Variants in WNT9A observed in about 807,000 individuals in gnomAD.
WNT9A encodes the protein Wnt family member 9A.
WNT9A carries 8 observed loss-of-function variants against 31.4 expected under a neutral mutation model. The ratio of observed to expected loss-of-function variants is 0.26; its 90% confidence interval spans 0.15 to 0.46. WNT9A has a LOEUF of 0.46. WNT9A is among the 20% of genes least tolerant of loss of function. WNT9A has a pLI of 0.99. For synonymous variants in WNT9A, 236 were observed against 220.1 expected, an observed-to-expected ratio of 1.07 and a Z score of -0.64; for missense variants, 457 against 522.9, an observed-to-expected ratio of 0.87 and a Z score of 1.23.
intron 1 of WNT9A, among the ~76,000 whole-genome samples, chr1:227,929,066 T>C (rs1666466466): frequency 6.6e-6 from 1 of 152,050 alleles, no homozygotes; most frequent in Admixed American, 6.6e-5. Context: ...AGGAACCGAC[T>C]GAAGACAGAC....
In WNT9A at chr1:227,921,888, A is replaced by T. The variant is rs1410965332; in HGVS notation, c.728T>A (p.Leu243Gln). The change falls in exon 4 of 4, where the codon CTG becomes CAG. Residue 243 changes from leucine to glutamine, a missense_variant. Leu to Gln is a moderately radical substitution (Grantham distance 113, BLOSUM62 -2). Coordinates refer to ENST00000272164, the MANE Select transcript of WNT9A (RefSeq NM_003395.4). ...LAPFHEVGKHLKHKYETALKV... is the reference protein window; with the variant it reads ...LAPFHEVGKHQKHKYETALKV... ...GAGTGCCGTCTCATACTTGTGCTTC[A>T]GATGCTTGCCCACCTCATGGAAAGG... 6.2e-7 allele frequency: 1 copy of T among 1,613,096 alleles called. No homozygotes were observed. The highest frequency in any genetic ancestry group is 8.5e-7 in the Non-Finnish European group (1 of 1,179,946).
Position 227,926,741 on chromosome 1 carries a change from A to G in WNT9A, c.96-1222T>C, listed in dbSNP as rs1301917646. 6.6e-6 allele frequency among the ~76,000 whole-genome samples: 1 copy of G among 151,912 alleles called. No homozygotes were observed. The highest frequency in any genetic ancestry group is 1.5e-5 in the Non-Finnish European group (1 of 67,976). On this transcript the variant is annotated intron_variant, in intron 1 of 3. Coordinates refer to ENST00000272164, the MANE Select transcript of WNT9A (RefSeq NM_003395.4). This position sits in a 1 kb window ranked among gnomAD's most constrained non-coding sequence, Gnocchi z 5.0. The stretch of plus-strand genomic sequence containing the variant: ...ACCCCCAGCAGAGAACGGCAGACTC[A>G]GGATGTGCTGGGAGCCACCGGGGTG...
In WNT9A at chr1:227,919,242, G is replaced by A. The variant is rs1036747980; in HGVS notation, c.*2276C>T. On this transcript the variant is annotated 3_prime_UTR_variant, in exon 4 of 4. Coordinates refer to ENST00000272164, the MANE Select transcript of WNT9A (RefSeq NM_003395.4). ...GGTGTGGCCAGCTATGCTGCTCAGG[G>A]ACCAGTGGATGCGGACACTGCAGAG... The A allele has an allele frequency of 4.6e-5, 7 of 152,170 alleles. No homozygotes were observed. The highest frequency in any genetic ancestry group is 1.9e-4 in the East Asian group (1 of 5,168). The allele number at this position is 152,170 out of a possible 1,614,324, so 9.4% of individuals were successfully genotyped here.
In WNT9A at chr1:227,925,167, A is replaced by C; in HGVS notation, c.352+96T>G. ...TGGGCAGGCTGGGCCCGGCGTCCCC[A>C]GGAGCGCAGCCTAAGAGGGGCCTCT... is the stretch of plus-strand genomic sequence containing the variant. On this transcript the variant is annotated intron_variant, in intron 2 of 3. Coordinates refer to ENST00000272164, the MANE Select transcript of WNT9A (RefSeq NM_003395.4). This position sits in a 1 kb window ranked among gnomAD's most constrained non-coding sequence, Gnocchi z 6.0. 1 of 1,418,540 alleles carries C rather than the reference A, an allele frequency of 7.0e-7. No homozygotes were observed. The highest frequency in any genetic ancestry group is 9.2e-7 in the Non-Finnish European group (1 of 1,087,620). 87.9% of individuals were successfully genotyped at this position (1,418,540 alleles called of 1,614,324 possible).
At chr1:227,940,678 T>C (rs1046190292) in intron 1 of WNT9A, among the ~76,000 whole-genome samples, 1 of 152,250 alleles carries the variant, frequency 6.6e-6, no homozygotes, top group Non-Finnish European at 1.5e-5. Context: ...CTGGCTGCAC[T>C]GACCTCAGGT....
Position 227,919,754 on chromosome 1 carries a change from C to G in WNT9A, c.*1764G>C, listed in dbSNP as rs935674264. The G allele has an allele frequency of 6.6e-6, 1 of 151,580 alleles. No homozygotes were observed. Among genetic ancestry groups the G allele is most frequent in the African/African-American group, 2.5e-5 (1 of 40,744 alleles). The allele number at this position is 151,580 out of a possible 1,614,324, so 9.4% of individuals were successfully genotyped here. ...TGCCAGCATGCATTTATACAACACA[C>G]GCTTACACACATTGACCACGCCAGC... On this transcript the variant is annotated 3_prime_UTR_variant, in exon 4 of 4. Coordinates refer to ENST00000272164, the MANE Select transcript of WNT9A (RefSeq NM_003395.4).
chr1:227,924,067 C>CGG, intron 3 of WNT9A, 71 bp downstream of exon 3: 3 of 819,108 alleles, frequency 3.7e-6, no homozygotes, highest in East Asian at 4.3e-5. Flanking sequence ...CCCAGTCCCA[C>CGG]GCCCCACCCC....
rs1308232450 is a variant in WNT9A, at chr1:227,925,685, C to CT, written c.96-167dup. 3.9e-5 allele frequency among the ~76,000 whole-genome samples: 6 copies of CT among 152,144 alleles called. No homozygotes were observed. Among genetic ancestry groups the CT allele is most frequent in the Non-Finnish European group, 8.8e-5 (6 of 68,002 alleles). ...CAGGGGAGAGGGAGGCGAGAAGGGCCTTGGCCCCCTGCACACCCATGGCCC... is the reference window on the plus strand; with the variant it reads ...CAGGGGAGAGGGAGGCGAGAAGGGCCTTTGGCCCCCTGCACACCCATGGCCC... On this transcript the variant is annotated intron_variant, in intron 1 of 3. Transcript: ENST00000272164. The surrounding 1 kb of genome is among the most constrained non-coding windows in gnomAD (Gnocchi z 6.0).
In WNT9A at chr1:227,920,589, G is replaced by T. The variant is rs61825078; in HGVS notation, c.*929C>A. ...GCCCTGGGAGTGCAGAACAGGCTGC[G>T]TCCTCTTCTAGTGGTTTGAGTCTCT... On this transcript the variant is annotated 3_prime_UTR_variant, in exon 4 of 4. Coordinates refer to ENST00000272164, the MANE Select transcript of WNT9A (RefSeq NM_003395.4). 1 of 152,160 alleles carries T rather than the reference G, an allele frequency of 6.6e-6. No individual in the cohort carries two copies. Among genetic ancestry groups the T allele is most frequent in the Non-Finnish European group, 1.5e-5 (1 of 68,014 alleles). The allele number at this position is 152,160 out of a possible 1,614,324, so 9.4% of individuals were successfully genotyped here. A position where few individuals can be genotyped will look rare whatever the true frequency, so the allele number is the denominator to read the frequency against.
chr1:227,921,551 C>A lies in WNT9A; in HGVS notation c.1065G>T (p.Thr355=), dbSNP rs201122899. Residue 355 remains threonine (T), a synonymous_variant, in exon 4 of 4, where the codon ACG becomes ACT. Transcript: ENST00000272164. ...TGCAGGTGTAGACCTCCTCACGCTG[C>A]GTGCACTGCCTGCACTCCACATAGC... The part of the protein sequence containing the change: ...WCCYVECRQC[T]QREEVYTCKG 1.3e-5 allele frequency: 21 copies of A among 1,612,574 alleles called. No individual in the cohort carries two copies. Among genetic ancestry groups the A allele is most frequent in the Middle Eastern group, 1.7e-4 (1 of 6,060 alleles).
chr1:227,931,278 C>T (rs1369285119), intron 1 of WNT9A, among the ~76,000 whole-genome samples: 1 of 152,198 alleles, frequency 6.6e-6, no homozygotes, highest in African/African-American at 2.4e-5. Context: ...GGCTAGATGT[C>T]TTCCGATAGT....
chr1:227,947,085 G>A (rs1666806614), intron 1 of WNT9A, among the ~76,000 whole-genome samples: 1 of 152,218 alleles, frequency 6.6e-6, no homozygotes, highest in African/African-American at 2.4e-5. Context: ...GAGGGAAGAA[G>A]GAAGGGAAAG....
At position 227,947,828 on chromosome 1, in the gene WNT9A, C is replaced by T. The variant is rs1666820858; in HGVS notation, c.60G>A (p.Leu20=). ...WLAAAFGLTL[L]LAALRPSAAY... The stretch of plus-strand genomic sequence containing the variant: ...CGGCCGAAGGGCGCAGCGCGGCGAG[C>T]AGCAGCGTCAGCCCGAAGGCCGCGG... Residue 20 remains leucine (L), a synonymous_variant, in exon 1 of 4, where the codon CTG becomes CTA. Transcript: ENST00000272164. 2.7e-6 allele frequency: 3 copies of T among 1,096,716 alleles called. No homozygotes were observed. The highest frequency in any genetic ancestry group is 1.7e-5 in the African/African-American group (1 of 59,556). The allele number at this position is 1,096,716 out of a possible 1,614,324, so 67.9% of individuals were successfully genotyped here. A position where few individuals can be genotyped will look rare whatever the true frequency, so the allele number is the denominator to read the frequency against.
At position 227,921,861 on chromosome 1, in the gene WNT9A, T is replaced by A; in HGVS notation, c.755A>T (p.Lys252Met). 4 of 1,613,138 alleles carry A rather than the reference T, an allele frequency of 2.5e-6. No individual in the cohort carries two copies. Among genetic ancestry groups the A allele is most frequent in the Non-Finnish European group, 3.4e-6 (4 of 1,179,934 alleles). ...AGCTTCATTGGTGGTGCTGCCCACCTTGAGTGCCGTCTCATACTTGTGCTT... is the reference window on the plus strand; with the variant it reads ...AGCTTCATTGGTGGTGCTGCCCACCATGAGTGCCGTCTCATACTTGTGCTT... The part of the protein sequence containing the change: ...HLKHKYETAL[K>M]VGSTTNEAAG... Residue 252 changes from lysine (K) to methionine (M), a missense_variant, in exon 4 of 4, where the codon AAG becomes ATG. By Grantham distance (95) the Lys-to-Met change is moderately conservative. Transcript: ENST00000272164.
intron 1 of WNT9A, among the ~76,000 whole-genome samples, chr1:227,943,805 T>C (rs953157363): frequency 2.6e-5 from 4 of 151,938 alleles, no homozygotes; most frequent in Non-Finnish European, 5.9e-5. Context: ...TAAAACCCCA[T>C]CTCTACAAAA....
intron 1 of WNT9A, among the ~76,000 whole-genome samples, chr1:227,935,229 T>G (rs1041781088): frequency 4.0e-5 from 6 of 151,728 alleles, no homozygotes; most frequent in African/African-American, 1.5e-4. Context: ...ACACCCCCAG[T>G]TCACATACAG....
intron 2 of WNT9A, among the ~76,000 whole-genome samples, chr1:227,924,696 G>A (rs907147413): frequency 1.3e-5 from 2 of 152,168 alleles, no homozygotes; most frequent in Non-Finnish European, 2.9e-5. Context: ...CTCACCATGG[G>A]GCCATTGGCA....
At chr1:227,923,169 C>A (rs937377164) in intron 3 of WNT9A, among the ~76,000 whole-genome samples, 2 of 152,184 alleles carry the variant, frequency 1.3e-5, no homozygotes, top group East Asian at 3.9e-4. Context: ...GAGGTTGATC[C>A]TTTAGTAAGT....
Position 227,925,418 on chromosome 1 carries a change from C to T in WNT9A, c.197G>A (p.Arg66Gln), listed in dbSNP as rs373906406. The T allele has an allele frequency of 1.2e-5, 20 of 1,605,788 alleles. No individual in the cohort carries two copies. The highest frequency in any genetic ancestry group is 2.3e-5 in the East Asian group (1 of 44,436). The change falls in exon 2 of 4, where the codon CGG (arginine) becomes CAG (glutamine). Residue 66 changes from arginine to glutamine, a missense_variant. By Grantham distance (43) the Arg-to-Gln change is conservative. Transcript: ENST00000272164. The surrounding 1 kb of genome is among the most constrained non-coding windows in gnomAD (Gnocchi z 6.0). ...YKACDRLKLE[R>Q]KQRRMCRRDP... is the part of the protein sequence containing the mutation. ...CCGGCGGCACATGCGCCGCTGCTTC[C>T]GCTCCAGCTTCAGCCGGTCGCAGGC...
Sources: gnomAD v4.1 joint callset for allele counts (sites outside exome capture counted in the v4.1 genomes callset) on GRCh38, gnomAD v4.1.1 for gene constraint, Gnocchi (gnomAD v3.1) non-coding constraint, MANE v1.5 for transcripts, NCBI Gene and HGNC (gene_info 2026-07-23, HGNC 2026-07-21) for gene names.